Variants in CTNND2 observed in about 807,000 individuals in gnomAD.
CTNND2 encodes the protein catenin delta 2.
CTNND2 carries 22 observed loss-of-function variants against 144.4 expected under a neutral mutation model. That is an observed-to-expected ratio of 0.15 (90% confidence interval 0.11 to 0.22). The LOEUF (loss-of-function observed/expected upper bound fraction) is 0.22. Among genes scored for constraint, CTNND2 ranks in the 10% least tolerant of loss-of-function variants. The probability of loss-of-function intolerance (pLI) is 1.00; values close to 1 mark genes in which losing one functional copy is unlikely to be tolerated. For synonymous variants in CTNND2, 751 were observed against 695.6 expected, an observed-to-expected ratio of 1.08 and a Z score of -1.25; for missense variants, 1,353 against 1,618.8, an observed-to-expected ratio of 0.84 and a Z score of 2.82.
intron 20 of CTNND2, among the ~76,000 whole-genome samples, chr5:10,982,973 G>A (rs944872220): frequency 5.9e-5 from 9 of 152,226 alleles, no homozygotes; most frequent in Non-Finnish European, 1.3e-4. Context: ...TATGAAGATG[G>A]ACAGTAGAAT....
intron 3 of CTNND2, among the ~76,000 whole-genome samples, chr5:11,475,484 A>C (rs1221796525): frequency 1.3e-5 from 2 of 152,182 alleles, no homozygotes; most frequent in Non-Finnish European, 2.9e-5. Flanking sequence ...ACTTCATTAG[A>C]CTCTTGCTCT....
At chr5:11,310,855 A>C in intron 9 of CTNND2, among the ~76,000 whole-genome samples, 1 of 137,846 alleles carries the variant, frequency 7.3e-6, no homozygotes, top group African/African-American at 2.8e-5. Flanking sequence ...ACGTACTTAC[A>C]CTCATACACT....
chr5:11,320,633 G>A (rs1234284170), intron 9 of CTNND2, among the ~76,000 whole-genome samples: 2 of 152,170 alleles, frequency 1.3e-5, no homozygotes, highest in Non-Finnish European at 2.9e-5. Context: ...ATCTTACGTG[G>A]ATGGCAAGAG....
In CTNND2 at chr5:10,973,448, G is replaced by A. The variant is rs369887146; in HGVS notation, c.*5C>T. 3.8e-6 allele frequency: 6 copies of A among 1,580,040 alleles called. No homozygotes were observed. In the African/African-American group the frequency reaches 8.1e-5, roughly 21 times the overall value. On this transcript the variant is annotated 3_prime_UTR_variant, in exon 22 of 22. Coordinates refer to ENST00000304623, the MANE Select transcript of CTNND2 (RefSeq NM_001332.4). This position sits in a 1 kb window ranked among gnomAD's most constrained non-coding sequence, Gnocchi z 5.6. ...ACTGTTCCCGGAGCGCCTGTGCCCT[G>A]CTCCTCACACCCAGGAGTCGGGGGA...
intron 1 of CTNND2, among the ~76,000 whole-genome samples, chr5:11,822,142 A>G (rs1793346743): frequency 6.6e-6 from 1 of 152,170 alleles, no homozygotes; most frequent in Admixed American, 6.5e-5. Context: ...TCTTCATTTG[A>G]AAAAGAAGAA....
chr5:11,503,452 T>C (rs1276600105), intron 3 of CTNND2, among the ~76,000 whole-genome samples: 1 of 152,230 alleles, frequency 6.6e-6, no homozygotes, highest in Non-Finnish European at 1.5e-5. Context: ...ACCAAGGTTT[T>C]CTTATTATTT....
At chr5:11,190,958 A>C (rs564038028) in intron 11 of CTNND2, among the ~76,000 whole-genome samples, 1 of 152,320 alleles carries the variant, frequency 6.6e-6, no homozygotes, top group Admixed American at 6.5e-5. Flanking sequence ...AGTGCTGAAA[A>C]GCAAAGTGTC....
chr5:11,695,217 T>C (rs185157504), intron 2 of CTNND2, among the ~76,000 whole-genome samples: 238 of 152,324 alleles, frequency 1.6e-3, no homozygotes, highest in African/African-American at 5.0e-3. Context: ...TTGTATAGTA[T>C]GTTATTAAAA....
At chr5:11,662,686 T>C (rs2126574742) in intron 2 of CTNND2, among the ~76,000 whole-genome samples, 1 of 152,204 alleles carries the variant, frequency 6.6e-6, no homozygotes, top group South Asian at 2.1e-4. Context: ...TGACACTCAG[T>C]ATTAGCCATC....
intron 3 of CTNND2, among the ~76,000 whole-genome samples, chr5:11,560,159 C>T (rs1019775065): frequency 3.3e-5 from 5 of 152,314 alleles, no homozygotes; most frequent in South Asian, 2.1e-4. Flanking sequence ...TCAAAGAGTA[C>T]TAGCCCTCAG....
intron 1 of CTNND2, among the ~76,000 whole-genome samples, chr5:11,745,930 G>C (rs191119801): frequency 2.0e-5 from 3 of 152,174 alleles, no homozygotes; most frequent in African/African-American, 4.8e-5. Flanking sequence ...GAAAAAGGAA[G>C]CTTTATAACA....
intron 2 of CTNND2, among the ~76,000 whole-genome samples, chr5:11,717,448 G>C (rs1006068555): frequency 1.3e-5 from 2 of 151,484 alleles, no homozygotes; most frequent in African/African-American, 4.8e-5. Flanking sequence ...ATGGTGGCAG[G>C]CACCTGTAAT....
chr5:11,394,490 G>A (rs1173124774), intron 6 of CTNND2, among the ~76,000 whole-genome samples: 1 of 152,194 alleles, frequency 6.6e-6, no homozygotes, highest in Admixed American at 6.5e-5. Flanking sequence ...TGCTGGCAGT[G>A]GGGAAAGGAT....
intron 11 of CTNND2, among the ~76,000 whole-genome samples, chr5:11,173,187 C>A (rs1031849365): frequency 2.0e-5 from 3 of 152,232 alleles, no homozygotes; most frequent in African/African-American, 7.2e-5. Context: ...TGGCTTGCAG[C>A]CAACCACAGG....
chr5:11,358,306 T>G (rs1331884699), intron 8 of CTNND2, among the ~76,000 whole-genome samples: 3 of 152,208 alleles, frequency 2.0e-5, no homozygotes, highest in Non-Finnish European at 2.9e-5. Context: ...TTCCTTCAAC[T>G]AAACAATTAG....
chr5:11,224,983 G>T (rs1046038480), intron 10 of CTNND2, among the ~76,000 whole-genome samples: 2 of 151,954 alleles, frequency 1.3e-5, no homozygotes, highest in Non-Finnish European at 1.5e-5. Context: ...TCTTCCTGCT[G>T]TGAAGTGTGA....
intron 1 of CTNND2, among the ~76,000 whole-genome samples, chr5:11,836,040 A>G (rs1794158499): frequency 6.6e-6 from 1 of 152,128 alleles, no homozygotes; most frequent in South Asian, 2.1e-4. Context: ...ACTTGAATGT[A>G]CTTTTTAAAT....
At chr5:11,593,938 T>C (rs902442614) in intron 2 of CTNND2, among the ~76,000 whole-genome samples, 5 of 152,198 alleles carry the variant, frequency 3.3e-5, no homozygotes, top group Admixed American at 2.0e-4. Flanking sequence ...TGGCAAGTAT[T>C]GGGTGTTATT....
intron 12 of CTNND2, among the ~76,000 whole-genome samples, chr5:11,128,564 T>C (rs1244833251): frequency 6.7e-6 from 1 of 149,348 alleles, no homozygotes; most frequent in East Asian, 2.0e-4. Context: ...CTCGTTTTGC[T>C]CCAGGGTAAA....
Sources: allele counts gnomAD v4.1 joint callset (sites outside exome capture counted in the v4.1 genomes callset), GRCh38; gene constraint gnomAD v4.1.1; non-coding constraint Gnocchi (gnomAD v3.1); transcripts MANE v1.5; gene names NCBI Gene and HGNC (gene_info 2026-07-23, HGNC 2026-07-21).